Variants in GUCY1B1 observed in about 807,000 individuals in gnomAD.
The protein encoded by GUCY1B1 is guanylate cyclase 1 soluble subunit beta 1.
Under a neutral mutation model 71.0 loss-of-function variants are expected in GUCY1B1, and 43 were observed. The ratio of observed to expected loss-of-function variants is 0.61; its 90% CI spans 0.47 to 0.78. The LOEUF is 0.78. Ranked by LOEUF, GUCY1B1 falls within the 30% of genes least tolerant of loss-of-function variation. The pLI is 0.00. For missense variants in GUCY1B1, 535 were observed against 754.1 expected (o/e 0.71, Z 3.40); for synonymous variants, 266 against 259.7 (o/e 1.02, Z -0.23).
intron 2 of GUCY1B1, among the ~76,000 whole-genome samples, chr4:155,764,062 A>G (rs1224012192): frequency 1.3e-5 from 2 of 152,034 alleles, no homozygotes; most frequent in Non-Finnish European, 2.9e-5. Flanking sequence ...ATTTTTCATC[A>G]TTTTGTTTTG....
At chr4:155,790,032 C>A in intron 5 of GUCY1B1, 121 bp downstream of exon 5, 1 of 649,100 alleles carries the variant, frequency 1.5e-6, no homozygotes, top group Non-Finnish European at 2.6e-6. Context: ...TATATATAAG[C>A]CAAAACAGTG....
intron 11 of GUCY1B1, 34 bp downstream of exon 11, chr4:155,803,798 A>G (rs188468600): frequency 7.1e-7 from 1 of 1,407,848 alleles, no homozygotes; most frequent in East Asian, 2.5e-5. Flanking sequence ...TAATAATGGT[A>G]TGTAAACCTT....
chr4:155,800,723 T>C (rs1435939464), intron 9 of GUCY1B1, among the ~76,000 whole-genome samples: 1 of 152,210 alleles, frequency 6.6e-6, no homozygotes, highest in African/African-American at 2.4e-5. Flanking sequence ...AGTAAGTACA[T>C]AGCATGCATA....
chr4:155,805,091 CTTGTCT>C lies in GUCY1B1; in HGVS notation c.1710-9_1710-4del, dbSNP rs1740225640. 1 of 1,609,000 alleles carries C rather than the reference CTTGTCT, an allele frequency of 6.2e-7. No individual in the cohort carries two copies. Among genetic ancestry groups the C allele is most frequent in the South Asian group, 1.1e-5 (1 of 90,712 alleles). The stretch of plus-strand genomic sequence containing the variant: ...ATACTTCTCTCTCTACTCCCCTTCC[CTTGTCT>C]TTTAGATGTCTTATGTCTCCAGAAA... On this transcript the variant is annotated splice_polypyrimidine_tract_variant and splice_region_variant and intron_variant, in intron 12 of 13. Coordinates refer to ENST00000264424, the MANE Select transcript of GUCY1B1 (RefSeq NM_000857.5).
At chr4:155,788,612 G>T (rs2111100901) in intron 4 of GUCY1B1, among the ~76,000 whole-genome samples, 1 of 152,322 alleles carries the variant, frequency 6.6e-6, no homozygotes, top group East Asian at 1.9e-4. Context: ...ATTAAGGCAA[G>T]GGAATCTTTC....
At position 155,807,598 on chromosome 4, in the gene GUCY1B1, TAC is replaced by T. The variant is rs985929418; in HGVS notation, c.*1191_*1192del. On this transcript the variant is annotated 3_prime_UTR_variant, in exon 14 of 14. Coordinates refer to ENST00000264424, the MANE Select transcript of GUCY1B1 (RefSeq NM_000857.5). The stretch of plus-strand genomic sequence containing the variant: ...AAATTATTTTTTTCACGTGTCTCTA[TAC>T]AGTTTTTATTTCAATAAAAATATTA... 6.6e-6 allele frequency: 1 copy of T among 152,306 alleles called. No individual in the cohort carries two copies. The highest frequency in any genetic ancestry group is 2.4e-5 in the African/African-American group (1 of 41,586). 9.4% of individuals were successfully genotyped at this position (152,306 alleles called of 1,614,324 possible).
Position 155,806,645 on chromosome 4 carries a change from A to G in GUCY1B1, c.*236A>G, listed in dbSNP as rs770017583. On this transcript the variant is annotated 3_prime_UTR_variant, in exon 14 of 14. Transcript: ENST00000264424. ...TAAAGTTTGGCTTTTGATGTGGATG[A>G]TGTGAGCTTCATGTGTCTTAAAATC... 4.7e-6 allele frequency: 2 copies of G among 426,868 alleles called. No individual in the cohort carries two copies. The highest frequency in any genetic ancestry group is 8.3e-6 in the Non-Finnish European group (2 of 240,332). 26.4% of individuals were successfully genotyped at this position (426,868 alleles called of 1,614,324 possible).
chr4:155,759,203 G>T, intron 1 of GUCY1B1, 60 bp downstream of exon 1: 3 of 1,510,190 alleles, frequency 2.0e-6, no homozygotes, highest in Non-Finnish European at 2.7e-6. Flanking sequence ...GCCTGGCAGC[G>T]AGGGAACTGG....
intron 12 of GUCY1B1, 116 bp downstream of exon 12, chr4:155,804,863 C>T: frequency 1.1e-6 from 1 of 888,628 alleles, no homozygotes; most frequent in African/African-American, 1.7e-5. Context: ...CACTCTTCCC[C>T]ACTGCTTGTA....
intron 2 of GUCY1B1, 61 bp from the exon 3 acceptor site, chr4:155,774,907 A>T: frequency 1.1e-6 from 1 of 895,532 alleles, no homozygotes; most frequent in Non-Finnish European, 1.9e-6. Flanking sequence ...TATTATACTT[A>T]TAGTAGCTAT....
intron 4 of GUCY1B1, among the ~76,000 whole-genome samples, chr4:155,784,410 G>A (rs1579222836): frequency 6.6e-6 from 1 of 152,116 alleles, no homozygotes; most frequent in East Asian, 1.9e-4. Context: ...TACTTAGGTC[G>A]ACTTTGTTTA....
In GUCY1B1 at chr4:155,794,073, G is replaced by C; in HGVS notation, c.713G>C (p.Arg238Thr). ...VVTQCGNAIY[R>T]VLPQLQPGNC... ...ACTCAGTGTGGCAATGCTATATACA[G>C]AGTTCTCCCCCAGGTAAAATGACAG... The change falls in exon 6 of 14, where the codon AGA (arginine) becomes ACA (threonine). Residue 238 changes from arginine to threonine, a missense_variant. Transcript: ENST00000264424. The C allele has an allele frequency of 6.3e-7, 1 of 1,586,592 alleles. No homozygotes were observed. The highest frequency in any genetic ancestry group is 1.1e-5 in the South Asian group (1 of 90,270).
rs1038203054 is a variant in GUCY1B1 at position 155,806,467 on chromosome 4, G to A, written c.*58G>A. The A allele has an allele frequency of 1.1e-5, 13 of 1,211,344 alleles. No homozygotes were observed. The highest frequency in any genetic ancestry group is 1.7e-5 in the Admixed American group (1 of 58,184). 75.0% of individuals were successfully genotyped at this position (1,211,344 alleles called of 1,614,324 possible). On this transcript the variant is annotated 3_prime_UTR_variant, in exon 14 of 14. Coordinates refer to ENST00000264424, the MANE Select transcript of GUCY1B1 (RefSeq NM_000857.5). ...CTAGGTTCCAGTTTTCTCCTAACAC[G>A]TGCCAAGCCCAGGAGCAGTTCTTCC...
intron 2 of GUCY1B1, among the ~76,000 whole-genome samples, chr4:155,762,363 C>T (rs1315022481): frequency 6.6e-6 from 1 of 152,032 alleles, no homozygotes; most frequent in Non-Finnish European, 1.5e-5. Context: ...GTACCAAACT[C>T]TTATTTTTTC....
At chr4:155,789,265 G>C (rs1055087091) in intron 4 of GUCY1B1, among the ~76,000 whole-genome samples, 1 of 151,958 alleles carries the variant, frequency 6.6e-6, no homozygotes, top group Non-Finnish European at 1.5e-5. Context: ...TTATAATTTG[G>C]GCATAGTTTT....
Position 155,805,143 on chromosome 4 carries a change from T to A in GUCY1B1, c.1750T>A (p.Leu584Met). 2 of 1,612,252 alleles carry A rather than the reference T, an allele frequency of 1.2e-6. No individual in the cohort carries two copies. The highest frequency in any genetic ancestry group is 1.7e-6 in the Non-Finnish European group (2 of 1,178,718). The change falls in exon 13 of 14, where the codon TTG becomes ATG. Residue 584 changes from leucine (L) to methionine (M), a missense_variant. Transcript: ENST00000264424. ...AGAAAATTCAGATCCACAATTCCACTTGGAGCACAGAGGCCCAGTGTCCAT... is the reference window on the plus strand; with the variant it reads ...AGAAAATTCAGATCCACAATTCCACATGGAGCACAGAGGCCCAGTGTCCAT... ...SPENSDPQFH[L>M]EHRGPVSMKG...
At chr4:155,792,580 C>A (rs142906963) in intron 5 of GUCY1B1, among the ~76,000 whole-genome samples, 1 of 150,798 alleles carries the variant, frequency 6.6e-6, no homozygotes, top group Non-Finnish European at 1.5e-5. Context: ...TATACAATAG[C>A]ATCTATAGTT....
In GUCY1B1 at chr4:155,759,092, GC is replaced by G. The variant is rs1736753990; in HGVS notation, c.-47del. On this transcript the variant is annotated 5_prime_UTR_variant, in exon 1 of 14. Coordinates refer to ENST00000264424, the MANE Select transcript of GUCY1B1 (RefSeq NM_000857.5). ...TGCCGCCTCTGCCTGGGTCCCTTCG[GC>G]CGTACCTCTGCGTGGGGGCTGCCTC... 1.3e-6 allele frequency: 2 copies of G among 1,580,772 alleles called. No homozygotes were observed. Among genetic ancestry groups the G allele is most frequent in the Non-Finnish European group, 1.7e-6 (2 of 1,163,354 alleles).
chr4:155,761,916 A>G (rs1737020869), intron 2 of GUCY1B1, among the ~76,000 whole-genome samples: 1 of 152,342 alleles, frequency 6.6e-6, no homozygotes, highest in East Asian at 1.9e-4. Context: ...CTGCAAGGGA[A>G]AAAGTGTTAG....
Sources: gnomAD v4.1 joint callset for allele counts (sites outside exome capture counted in the v4.1 genomes callset) on GRCh38, gnomAD v4.1.1 for gene constraint, MANE v1.5 for transcripts, NCBI Gene and HGNC (gene_info 2026-07-23, HGNC 2026-07-21) for gene names.